Variants in RALA observed in about 807,000 individuals in gnomAD.
The protein encoded by RALA is RAS like proto-oncogene A.
A neutral mutation model predicts 24.0 loss-of-function variants in RALA; 5 were observed. The observed-to-expected ratio is 0.21, with a 90% CI of 0.11 to 0.44. RALA has a LOEUF of 0.44. Ranked by LOEUF, RALA falls within the 20% of genes least tolerant of loss-of-function variation. The probability of loss-of-function intolerance (pLI) is 0.99; values close to 1 mark genes in which losing one functional copy is unlikely to be tolerated. For missense variants in RALA, 95 were observed against 241.2 expected (o/e 0.39, Z 4.01); for synonymous variants, 77 against 83.8 (o/e 0.92, Z 0.44).
At chr7:39,671,885 G>A (rs946366687) in intron 1 of RALA, among the ~76,000 whole-genome samples, 1 of 152,118 alleles carries the variant, frequency 6.6e-6, no homozygotes, top group African/African-American at 2.4e-5. Context: ...TTTGAATGTT[G>A]TTCCTACCGA....
intron 4 of RALA, among the ~76,000 whole-genome samples, chr7:39,704,273 C>T (rs754138053): frequency 6.6e-6 from 1 of 151,486 alleles, no homozygotes; most frequent in Non-Finnish European, 1.5e-5. Context: ...TCTATGCTGT[C>T]TTATAGACCT....
intron 1 of RALA, among the ~76,000 whole-genome samples, chr7:39,668,912 G>A (rs970158667): frequency 5.3e-5 from 8 of 150,792 alleles, no homozygotes; most frequent in East Asian, 1.9e-4. Flanking sequence ...TCAAGAGATC[G>A]AGACCATCCA....
At chr7:39,693,894 T>A (rs1792874026) in intron 3 of RALA, among the ~76,000 whole-genome samples, 1 of 152,234 alleles carries the variant, frequency 6.6e-6, no homozygotes, top group Non-Finnish European at 1.5e-5. Context: ...CCATAGTCTG[T>A]GCGGCCTATA....
intron 1 of RALA, among the ~76,000 whole-genome samples, chr7:39,648,415 C>CTT (rs796989849): frequency 6.9e-6 from 1 of 144,660 alleles, no homozygotes; most frequent in African/African-American, 2.5e-5. Flanking sequence ...AACTTAATAG[C>CTT]TTTTTTTTTT....
rs758749902 is a variant in RALA, at chr7:39,650,657, A to G, written c.-38+26832A>G. 4.6e-5 allele frequency among the ~76,000 whole-genome samples: 7 copies of G among 152,316 alleles called. No homozygotes were observed. In the East Asian group the frequency reaches 9.6e-4, roughly 21 times the overall value. ...CCTAGTCTCAAACTGTAAGCTAACT[A>G]TATAGTTATCTATTGGGGCTGTGTT... is the stretch of plus-strand genomic sequence containing the variant. On this transcript the variant is annotated intron_variant, in intron 1 of 4. Transcript: ENST00000005257.
At chr7:39,651,146 A>C (rs1792012369) in intron 1 of RALA, among the ~76,000 whole-genome samples, 1 of 152,240 alleles carries the variant, frequency 6.6e-6, no homozygotes, top group Non-Finnish European at 1.5e-5. Flanking sequence ...TGAGATAGTC[A>C]ACAAACACTT....
At chr7:39,699,781 G>T (rs1027933048) in intron 4 of RALA, among the ~76,000 whole-genome samples, 4 of 152,156 alleles carry the variant, frequency 2.6e-5, no homozygotes, top group Admixed American at 2.6e-4. Context: ...TGCCTCCAGA[G>T]AATTAAGCCA....
In RALA at chr7:39,706,707, T is replaced by C. The variant is rs1315246360; in HGVS notation, c.*462T>C. On this transcript the variant is annotated 3_prime_UTR_variant, in exon 5 of 5. Transcript: ENST00000005257. ...TTTTTTAACCATTATTATGCAAAAT[T>C]TAGAAGAAAAGTTATTGGCATGGTT... is the stretch of plus-strand genomic sequence containing the variant. 6.6e-6 allele frequency: 1 copy of C among 152,632 alleles called. No homozygotes were observed. Among genetic ancestry groups the C allele is most frequent in the Non-Finnish European group, 1.5e-5 (1 of 68,294 alleles). 9.5% of individuals were successfully genotyped at this position (152,632 alleles called of 1,614,324 possible). A position where few individuals can be genotyped will look rare whatever the true frequency, so the allele number is the denominator to read the frequency against.
intron 1 of RALA, among the ~76,000 whole-genome samples, chr7:39,653,273 C>T (rs1236571420): frequency 2.6e-5 from 4 of 151,544 alleles, no homozygotes; most frequent in Admixed American, 1.3e-4. Flanking sequence ...TATCATCCGC[C>T]TGCATCAGCC....
intron 1 of RALA, among the ~76,000 whole-genome samples, chr7:39,675,890 T>C (rs1237657222): frequency 6.6e-6 from 1 of 152,196 alleles, no homozygotes; most frequent in Non-Finnish European, 1.5e-5. Context: ...GTGAGTTGTT[T>C]ATATGAAATA....
intron 2 of RALA, among the ~76,000 whole-genome samples, chr7:39,688,594 T>TTTTTTTA (rs1792753270): frequency 1.3e-5 from 2 of 151,470 alleles, no homozygotes. Context: ...TTTTTTTTTT[T>TTTTTTTA]TTTTAAAGAT....
chr7:39,663,804 G>A (rs980838000), intron 1 of RALA, among the ~76,000 whole-genome samples: 3 of 151,944 alleles, frequency 2.0e-5, no homozygotes, highest in African/African-American at 7.3e-5. Context: ...TGGGTCTAAC[G>A]AAAAAAAGCC....
chr7:39,650,088 A>G (rs1791995048), intron 1 of RALA, among the ~76,000 whole-genome samples: 1 of 152,234 alleles, frequency 6.6e-6, no homozygotes, highest in South Asian at 2.1e-4. Flanking sequence ...AGAAAAAAAT[A>G]CATTTGAATC....
At chr7:39,670,799 C>T (rs977718601) in intron 1 of RALA, among the ~76,000 whole-genome samples, 1 of 152,094 alleles carries the variant, frequency 6.6e-6, no homozygotes, top group African/African-American at 2.4e-5. Flanking sequence ...GTAGCAAAAC[C>T]ACTGGGGCTG....
In RALA at chr7:39,632,153, C is replaced by T. The variant is rs1041595152; in HGVS notation, c.-38+8328C>T. On this transcript the variant is annotated intron_variant, in intron 1 of 4. Transcript: ENST00000005257. The stretch of plus-strand genomic sequence containing the variant: ...GACGGAAACATCCCCCGACTAGGCC[C>T]GCCTCCAACCTTGGGAATTACATTT... 1.1e-4 allele frequency among the ~76,000 whole-genome samples: 16 copies of T among 152,318 alleles called. No individual in the cohort carries two copies. The South Asian group carries it at 1.2e-3, about 12-fold the overall frequency.
chr7:39,698,078 G>A (rs1173369163), intron 4 of RALA, among the ~76,000 whole-genome samples: 3 of 152,076 alleles, frequency 2.0e-5, no homozygotes, highest in Non-Finnish European at 4.4e-5. Flanking sequence ...ATTCTGGAGA[G>A]GGCTTTCTTC....
At chr7:39,679,749 TG>T (rs1792554496) in intron 1 of RALA, among the ~76,000 whole-genome samples, 1 of 152,108 alleles carries the variant, frequency 6.6e-6, no homozygotes, top group Non-Finnish European at 1.5e-5. Context: ...GACTCTCTGT[TG>T]CCCAGGCTGG....
At chr7:39,650,478 G>C (rs950520926) in intron 1 of RALA, among the ~76,000 whole-genome samples, 1 of 152,102 alleles carries the variant, frequency 6.6e-6, no homozygotes, top group Admixed American at 6.5e-5. Flanking sequence ...TGGGAGAGGG[G>C]AAGAAATAGG....
chr7:39,660,749 G>T (rs1343789899), intron 1 of RALA, among the ~76,000 whole-genome samples: 1 of 152,086 alleles, frequency 6.6e-6, no homozygotes, highest in African/African-American at 2.4e-5. Flanking sequence ...GAAAAAACTT[G>T]CAGGTGAGCT....
Sources: allele counts gnomAD v4.1 joint callset (sites outside exome capture counted in the v4.1 genomes callset), GRCh38; gene constraint gnomAD v4.1.1; transcripts MANE v1.5; gene names NCBI Gene and HGNC (gene_info 2026-07-23, HGNC 2026-07-21).